Variants in SFXN4 observed in about 807,000 individuals in gnomAD.
SFXN4 encodes the protein sideroflexin 4.
In SFXN4, 48 loss-of-function variants were observed where a neutral mutation model predicts 54.6. That is an observed-to-expected ratio of 0.88 (90% CI 0.70 to 1.12). The LOEUF (loss-of-function observed/expected upper bound fraction) is 1.12. SFXN4 is among the 50% of genes most tolerant of loss of function. SFXN4 has a pLI of 0.00. For synonymous variants in SFXN4, 130 were observed against 145.5 expected (o/e 0.89, Z 0.77); for missense variants, 383 against 409.2 (o/e 0.94, Z 0.55).
chr10:119,151,127 T>C (rs539971419), intron 11 of SFXN4, among the ~76,000 whole-genome samples: 6 of 152,258 alleles, frequency 3.9e-5, no homozygotes, highest in Non-Finnish European at 5.9e-5. Flanking sequence ...CCCAGCACTT[T>C]GGGAGGCCGA....
chr10:119,160,854 T>C, intron 5 of SFXN4, 61 bp downstream of exon 5: 2 of 1,549,742 alleles, frequency 1.3e-6, no homozygotes, highest in Admixed American at 1.7e-5. Flanking sequence ...GCAGGCAGAG[T>C]TTTCTAAGTG....
Position 119,164,128 on chromosome 10 carries a change from T to C in SFXN4, c.177+3A>G, listed in dbSNP as rs975699991. ...ATTCATTAGCTCTGAAAACAATACT[T>C]ACAACTGAAATGAACACATTTGTAG... On this transcript the variant is annotated splice_donor_region_variant and intron_variant, in intron 2 of 13. Coordinates refer to ENST00000355697, the MANE Select transcript of SFXN4 (RefSeq NM_213649.2). The C allele has an allele frequency of 5.8e-6, 9 of 1,549,510 alleles. No homozygotes were observed. The highest frequency in any genetic ancestry group is 7.9e-6 in the Non-Finnish European group (9 of 1,133,352).
intron 13 of SFXN4, among the ~76,000 whole-genome samples, chr10:119,142,545 T>TC (rs1846576020): frequency 2.9e-5 from 1 of 34,470 alleles, no homozygotes; most frequent in Admixed American, 4.3e-4. Flanking sequence ...ATATTTTGTG[T>TC]CTTTTTTTTT....
chr10:119,155,216 G>A (rs148396700), intron 10 of SFXN4, 39 bp from the exon 11 acceptor site: 26 of 1,392,502 alleles, frequency 1.9e-5, no homozygotes, highest in Non-Finnish European at 2.6e-5. Flanking sequence ...CAAGACGGGG[G>A]TGAGTCTTGT....
At chr10:119,152,106 C>T (rs1203975099) in intron 11 of SFXN4, among the ~76,000 whole-genome samples, 1 of 152,020 alleles carries the variant, frequency 6.6e-6, no homozygotes, top group Non-Finnish European at 1.5e-5. Context: ...AGCCACCATG[C>T]CTGGCTGCAC....
At chr10:119,141,523 T>C (rs1321955777) in intron 13 of SFXN4, among the ~76,000 whole-genome samples, 5 of 149,546 alleles carry the variant, frequency 3.3e-5, no homozygotes, top group Admixed American at 1.3e-4. Context: ...TTTTTTTTTT[T>C]TTTTTGAGAC....
In SFXN4 at chr10:119,157,996, G is replaced by A. The variant is rs374143199; in HGVS notation, c.414+13C>T. On this transcript the variant is annotated intron_variant, in intron 7 of 13. Transcript: ENST00000355697. ...ACAGAATTTAGTAATCGTGAAACAG[G>A]AAGAATGGCTACCTGAGGTAAAATC... 42 of 1,614,046 alleles carry A rather than the reference G, an allele frequency of 2.6e-5. No homozygotes were observed. Among genetic ancestry groups the A allele is most frequent in the Non-Finnish European group, 3.1e-5 (37 of 1,180,000 alleles).
At chr10:119,161,849 G>A (rs1847562210) in intron 3 of SFXN4, among the ~76,000 whole-genome samples, 1 of 152,226 alleles carries the variant, frequency 6.6e-6, no homozygotes, top group Non-Finnish European at 1.5e-5. Flanking sequence ...CTTAGAAAAA[G>A]TTAAATATGT....
rs780142484 is a variant in SFXN4 at position 119,155,150 on chromosome 10, A to G, written c.644T>C (p.Met215Thr). Residue 215 changes from methionine (M) to threonine (T), a missense_variant, in exon 11 of 14, where the codon ATG (methionine) becomes ACG (threonine). Transcript: ENST00000355697. ...LVQASGMNVYMSRSLESIKGI... is the reference protein window; with the variant it reads ...LVQASGMNVYTSRSLESIKGI... ...CTTAATGGATTCAAGACTTCGGGACATGTAGACATTCATTCCACTGGCTTG... is the reference window on the plus strand; with the variant it reads ...CTTAATGGATTCAAGACTTCGGGACGTGTAGACATTCATTCCACTGGCTTG... 2.1e-5 allele frequency: 34 copies of G among 1,614,024 alleles called. No homozygotes were observed. Among genetic ancestry groups the G allele is most frequent in the Middle Eastern group, 1.6e-4 (1 of 6,084 alleles).
rs111887398 is a variant in SFXN4, at chr10:119,163,526, C to G, written c.177+605G>C. Among the ~76,000 whole-genome samples, 955 of 152,094 alleles carry G rather than the reference C, an allele frequency of 6.3e-3. 16 individuals carry two copies. Among genetic ancestry groups the G allele is most frequent in the African/African-American group, 0.022 (904 of 41,484 alleles). Reference sequence around the variant, plus strand: ...AGTGATTCGCCCACCTCAAGCCTTCCGAATAGCTGGGATTACAGGTGTCTG... The same window carrying G: ...AGTGATTCGCCCACCTCAAGCCTTCGGAATAGCTGGGATTACAGGTGTCTG... On this transcript the variant is annotated intron_variant, in intron 2 of 13. Coordinates refer to ENST00000355697, the MANE Select transcript of SFXN4 (RefSeq NM_213649.2).
Position 119,158,042 on chromosome 10 carries a change from T to C in SFXN4, c.381A>G (p.Pro127=). 6.2e-7 allele frequency: 1 copy of C among 1,614,146 alleles called. No homozygotes were observed. Among genetic ancestry groups the C allele is most frequent in the East Asian group, 2.2e-5 (1 of 44,886 alleles). Residue 127 remains proline (P), a synonymous_variant, in exon 7 of 14, where the codon CCA becomes CCG. Transcript: ENST00000355697. ...MAPTVFLSMT[P]LKGIKSVILP... ...AAATCACGGACTTGATCCCTTTCAG[T>C]GGCGTCATTGACAAAAATACCTTTT... is the stretch of plus-strand genomic sequence containing the variant.
At position 119,158,011 on chromosome 10, in the gene SFXN4, G is replaced by A. The variant is rs2133612481; in HGVS notation, c.412C>T (p.Gln138Ter). The change falls in exon 7 of 14, where the codon CAG (glutamine) becomes TAG (stop). Residue 138 changes from glutamine to a stop codon, truncating the protein, a stop_gained and splice_region_variant. Transcript: ENST00000355697. LOFTEE classifies it high-confidence loss of function. Reference protein sequence around the residue: ...LKGIKSVILPQVFLCAYMAAF... With the variant: ...LKGIKSVILP ...CGTGAAACAGGAAGAATGGCTACCT[G>A]AGGTAAAATCACGGACTTGATCCCT... 1 of 1,614,150 alleles carries A rather than the reference G, an allele frequency of 6.2e-7. No individual in the cohort carries two copies. Among genetic ancestry groups the A allele is most frequent in the South Asian group, 1.1e-5 (1 of 91,082 alleles).
intron 11 of SFXN4, among the ~76,000 whole-genome samples, chr10:119,149,775 G>A (rs1846979175): frequency 6.6e-6 from 1 of 152,118 alleles, no homozygotes; most frequent in African/African-American, 2.4e-5. Flanking sequence ...TAAAATAAAA[G>A]TCTCAGGGAT....
chr10:119,158,509 G>A (rs1165414036), intron 6 of SFXN4, among the ~76,000 whole-genome samples: 1 of 151,046 alleles, frequency 6.6e-6, no homozygotes, highest in Admixed American at 6.6e-5. Context: ...CCAGCTACTC[G>A]GGAGGCTGAG....
At position 119,165,671 on chromosome 10, in the gene SFXN4, C is replaced by T; in HGVS notation, c.-24G>A. 1 of 1,526,444 alleles carries T rather than the reference C, an allele frequency of 6.6e-7. No individual in the cohort carries two copies. 94.6% of individuals were successfully genotyped at this position (1,526,444 alleles called of 1,614,324 possible). Reference sequence around the variant, plus strand: ...ATTTTGCGCTGGTTAGAGTGGCCGCCGCCGCCAGGCCGCGCGTGGAGGAGG... The same window carrying T: ...ATTTTGCGCTGGTTAGAGTGGCCGCTGCCGCCAGGCCGCGCGTGGAGGAGG... On this transcript the variant is annotated 5_prime_UTR_variant, in exon 1 of 14. Coordinates refer to ENST00000355697, the MANE Select transcript of SFXN4 (RefSeq NM_213649.2).
chr10:119,157,644 T>C lies in SFXN4; in HGVS notation c.537+24A>G, dbSNP rs199850192. ...CTGGATTCTGAGGAATAAAGAAGAT[T>C]TGACAGATTCTAAAAATACCTACTC... On this transcript the variant is annotated intron_variant, in intron 9 of 13. Coordinates refer to ENST00000355697, the MANE Select transcript of SFXN4 (RefSeq NM_213649.2). 5.9e-5 allele frequency: 91 copies of C among 1,551,818 alleles called. No individual in the cohort carries two copies. In the East Asian group the frequency reaches 1.8e-3, roughly 30 times the overall value.
chr10:119,147,148 C>T (rs952734488), intron 12 of SFXN4, among the ~76,000 whole-genome samples: 8 of 152,176 alleles, frequency 5.3e-5, no homozygotes, highest in Admixed American at 1.3e-4. Context: ...GAGAAGGACT[C>T]GACACCCACG....
chr10:119,144,124 T>C (rs558824867), intron 13 of SFXN4, among the ~76,000 whole-genome samples: 1 of 152,308 alleles, frequency 6.6e-6, no homozygotes, highest in East Asian at 1.9e-4. Context: ...TATATATTTA[T>C]AGTGACAGAA....
chr10:119,149,316 T>C (rs550031112), intron 11 of SFXN4, among the ~76,000 whole-genome samples: 5 of 152,236 alleles, frequency 3.3e-5, no homozygotes, highest in African/African-American at 1.2e-4. Flanking sequence ...CTTCCCAGGC[T>C]CCTCCTACCA....
Sources: gnomAD v4.1 joint callset for allele counts (sites outside exome capture counted in the v4.1 genomes callset) on GRCh38, gnomAD v4.1.1 for gene constraint, MANE v1.5 for transcripts, NCBI Gene and HGNC (gene_info 2026-07-23, HGNC 2026-07-21) for gene names.